PRKG2: variants seen among roughly 807,000 people sequenced by gnomAD.
The protein encoded by PRKG2 is protein kinase cGMP-dependent 2.
Under a neutral mutation model 97.2 loss-of-function variants are expected in PRKG2, and 33 were observed. The observed-to-expected ratio is 0.34, with a 90% CI of 0.26 to 0.45. The LOEUF (loss-of-function observed/expected upper bound fraction) is 0.45. Among genes scored for constraint, PRKG2 ranks in the 20% least tolerant of loss-of-function variants. PRKG2 has a pLI of 1.00. For missense variants in PRKG2, 638 were observed against 900.0 expected, an observed-to-expected ratio of 0.71 and a Z score of 3.73; for synonymous variants, 330 against 321.8, an observed-to-expected ratio of 1.03 and a Z score of -0.27.
intron 2 of PRKG2, among the ~76,000 whole-genome samples, chr4:81,179,993 C>A (rs1578479142): frequency 6.6e-6 from 1 of 152,120 alleles, no homozygotes; most frequent in East Asian, 1.9e-4. Flanking sequence ...ATTAGCCAGG[C>A]ATGGTAGCAG....
At chr4:81,135,467 T>C (rs1746591179) in intron 13 of PRKG2, among the ~76,000 whole-genome samples, 171 bp from the exon 14 acceptor site, 1 of 152,198 alleles carries the variant, frequency 6.6e-6, no homozygotes, top group Non-Finnish European at 1.5e-5. Flanking sequence ...TTGCAGATCA[T>C]AAAGCAATTC....
chr4:81,144,413 A>T, intron 9 of PRKG2, 83 bp from the exon 10 acceptor site: 2 of 1,046,374 alleles, frequency 1.9e-6, no homozygotes. Flanking sequence ...ATAAAACACA[A>T]GCTGGTTATT....
intron 14 of PRKG2, among the ~76,000 whole-genome samples, chr4:81,124,933 G>A (rs1366618835): frequency 6.6e-6 from 1 of 151,916 alleles, no homozygotes; most frequent in Admixed American, 6.6e-5. Context: ...TTTAATTTCT[G>A]GAAATTTTTT....
intron 2 of PRKG2, chr4:81,193,149 C>G (rs3733552): frequency 0.079 from 11,994 of 152,204 alleles, 724 homozygotes; most frequent in East Asian, 0.25. Context: ...CCCTATCTAT[C>G]AAGGATTTTT....
upstream of PRKG2, among the ~76,000 whole-genome samples, chr4:81,216,705 T>A (rs535372095): frequency 1.7e-4 from 26 of 151,904 alleles, no homozygotes; most frequent in Non-Finnish European, 3.2e-4. Flanking sequence ...CCTATTGGAG[T>A]CCCCAGTGTC....
At chr4:81,106,052 C>G (rs895857553) in intron 15 of PRKG2, 117 bp from the exon 16 acceptor site, 28 of 1,235,040 alleles carry the variant, frequency 2.3e-5, no homozygotes, top group Non-Finnish European at 3.1e-5. Context: ...CTTCCTCTCT[C>G]TGTCTCAGTT....
chr4:81,095,615 T>G (rs183640363), intron 17 of PRKG2, among the ~76,000 whole-genome samples: 1 of 152,318 alleles, frequency 6.6e-6, no homozygotes, highest in East Asian at 1.9e-4. Flanking sequence ...GGCTATTCAC[T>G]TAACACATGG....
At chr4:81,116,874 C>T (rs931279057) in intron 14 of PRKG2, among the ~76,000 whole-genome samples, 3 of 149,910 alleles carry the variant, frequency 2.0e-5, no homozygotes, top group African/African-American at 7.4e-5. Context: ...TGCTTTTCTT[C>T]TTGTCAATTT....
intron 13 of PRKG2, 150 bp downstream of exon 13, chr4:81,137,243 G>C (rs1746800617): frequency 1.6e-6 from 1 of 635,614 alleles, no homozygotes; most frequent in African/African-American, 1.8e-5. Flanking sequence ...CACTATTGTA[G>C]CATTAGCCAA....
intron 2 of PRKG2, among the ~76,000 whole-genome samples, chr4:81,204,318 T>C (rs1307972458): frequency 6.6e-6 from 1 of 152,222 alleles, no homozygotes; most frequent in East Asian, 1.9e-4. Flanking sequence ...TTTCTAATAC[T>C]ATTTCACACC....
At chr4:81,150,923 G>A (rs935729889) in intron 8 of PRKG2, among the ~76,000 whole-genome samples, 1 of 152,006 alleles carries the variant, frequency 6.6e-6, no homozygotes, top group Admixed American at 6.5e-5. Context: ...TGGTAAAGAA[G>A]AATTCAGCTT....
At chr4:81,194,618 G>A (rs927371812) in intron 2 of PRKG2, among the ~76,000 whole-genome samples, 1 of 151,916 alleles carries the variant, frequency 6.6e-6, no homozygotes, top group African/African-American at 2.4e-5. Flanking sequence ...TCTTCCTTAA[G>A]TTTGTGTAGA....
At position 81,110,469 on chromosome 4, in the gene PRKG2, A is replaced by G. The variant is rs768000424; in HGVS notation, c.1919T>C (p.Val640Ala). ...SVDFWSLGIL[V>A]YELLTGNPPF... ...ATACTTGCCCGTTAGGAGCTCATAC[A>G]CTAGAATTCCCAGTGACCAGAAATC... The change falls in exon 15 of 19, where the codon GTG becomes GCG. Residue 640 changes from valine (V) to alanine (A), a missense_variant. Physicochemically the swap from Val to Ala is moderately conservative, Grantham distance 64. Coordinates refer to ENST00000264399, the MANE Select transcript of PRKG2 (RefSeq NM_006259.3). The G allele has an allele frequency of 1.2e-6, 2 of 1,613,436 alleles. No homozygotes were observed. The highest frequency in any genetic ancestry group is 1.7e-6 in the Non-Finnish European group (2 of 1,179,872).
chr4:81,100,012 T>G (rs1742560172), intron 17 of PRKG2, among the ~76,000 whole-genome samples: 1 of 152,160 alleles, frequency 6.6e-6, no homozygotes, highest in African/African-American at 2.4e-5. Flanking sequence ...ACAAGGCATG[T>G]GAAGAACCTC....
At chr4:81,100,922 T>C (rs925255379) in intron 17 of PRKG2, among the ~76,000 whole-genome samples, 25 of 152,052 alleles carry the variant, frequency 1.6e-4, no homozygotes, top group Non-Finnish European at 3.7e-4. Flanking sequence ...AACAGACACT[T>C]CTCAAAAGAA....
At chr4:81,128,431 T>G (rs1052440328) in intron 14 of PRKG2, among the ~76,000 whole-genome samples, 1 of 152,198 alleles carries the variant, frequency 6.6e-6, no homozygotes, top group African/African-American at 2.4e-5. Context: ...TGTACCTCTG[T>G]TAGAATTCGG....
chr4:81,152,618 A>G (rs960578624), intron 7 of PRKG2, among the ~76,000 whole-genome samples: 8 of 152,206 alleles, frequency 5.3e-5, no homozygotes, highest in African/African-American at 1.9e-4. Context: ...AGGGCCAAAC[A>G]GAAAAAGCCC....
chr4:81,192,685 A>T (rs1752647501), intron 2 of PRKG2, among the ~76,000 whole-genome samples: 1 of 152,208 alleles, frequency 6.6e-6, no homozygotes, highest in Admixed American at 6.5e-5. Flanking sequence ...AATGGTAGTC[A>T]TAGTAGCTGG....
At chr4:81,206,445 T>A (rs1753658398) in intron 1 of PRKG2, among the ~76,000 whole-genome samples, 1 of 152,160 alleles carries the variant, frequency 6.6e-6, no homozygotes, top group African/African-American at 2.4e-5. Context: ...TTGCCTTTGC[T>A]TTTCCTTTGC....
Sources: allele counts gnomAD v4.1 joint callset (sites outside exome capture counted in the v4.1 genomes callset), GRCh38; gene constraint gnomAD v4.1.1; transcripts MANE v1.5; gene names NCBI Gene and HGNC (gene_info 2026-07-23, HGNC 2026-07-21).